The following DAAM2 variants were observed in gnomAD, a reference collection of about 807,000 sequenced individuals.
DAAM2 encodes the protein dishevelled associated activator of morphogenesis 2.
In DAAM2, 39 loss-of-function variants were observed where a neutral mutation model predicts 120.7. The ratio of observed to expected loss-of-function variants is 0.32; its 90% CI spans 0.25 to 0.42. The LOEUF is 0.42. Ranked by LOEUF, DAAM2 falls within the 10% of genes least tolerant of loss-of-function variation. DAAM2 has a pLI of 1.00. For synonymous variants in DAAM2, 488 were observed against 524.9 expected, an observed-to-expected ratio of 0.93 and a Z score of 0.96; for missense variants, 1,283 against 1,401.7, an observed-to-expected ratio of 0.92 and a Z score of 1.35.
Position 39,875,419 on chromosome 6 carries a change from C to A in DAAM2, c.1252C>A (p.Pro418Thr), listed in dbSNP as rs1328732675. ...CCTCCAGGATGAGCGGGGTGTGGAC[C>A]CTGACCTGGCTCCCTTGGAGAACTT... ...IVLQDERGVD[P>T]DLAPLENFNV... is the part of the protein sequence containing the mutation. The change falls in exon 11 of 25, where the codon CCT becomes ACT. Residue 418 changes from proline (P) to threonine (T), a missense_variant. By Grantham distance (38) the Pro-to-Thr change is conservative. Coordinates refer to ENST00000274867, the MANE Select transcript of DAAM2 (RefSeq NM_001201427.2). 1 of 1,613,832 alleles carries A rather than the reference C, an allele frequency of 6.2e-7. No individual in the cohort carries two copies. Among genetic ancestry groups the A allele is most frequent in the African/African-American group, 1.3e-5 (1 of 74,898 alleles).
chr6:39,869,891 G>A (rs1490424112), intron 7 of DAAM2, among the ~76,000 whole-genome samples: 1 of 151,022 alleles, frequency 6.6e-6, no homozygotes, highest in African/African-American at 2.4e-5. Context: ...TGGCTGGCAT[G>A]TGCTCTGATT....
chr6:39,888,539 G>A (rs1765508607), intron 16 of DAAM2, 140 bp from the exon 17 acceptor site: 1 of 610,030 alleles, frequency 1.6e-6, no homozygotes, highest in African/African-American at 1.8e-5. Context: ...AATCTAAGAA[G>A]GCTTTGTAGA....
chr6:39,887,815 G>A, intron 16 of DAAM2: 1 of 507,582 alleles, frequency 2.0e-6, no homozygotes, highest in Non-Finnish European at 3.6e-6. Flanking sequence ...GTCAGCGTCT[G>A]GCAGCTGAGT....
Position 39,878,953 on chromosome 6 carries a change from C to T in DAAM2, c.1546-225C>T, listed in dbSNP as rs550808505. On this transcript the variant is annotated intron_variant, in intron 13 of 24. Transcript: ENST00000274867. The surrounding 1 kb of genome is among the most constrained non-coding windows in gnomAD (Gnocchi z 5.0). ...GCTATGACTCTGATTGTCCAGTGTCCGTGTGCGTGACGTGTGTGTGTCTGT... is the reference window on the plus strand; with the variant it reads ...GCTATGACTCTGATTGTCCAGTGTCTGTGTGCGTGACGTGTGTGTGTCTGT... Among the ~76,000 whole-genome samples the T allele has an allele frequency of 4.0e-5, 6 of 151,872 alleles. No homozygotes were observed. The highest frequency in any genetic ancestry group is 7.4e-5 in the Non-Finnish European group (5 of 67,964).
At chr6:39,793,137 G>T (rs553968550) in intron 1 of DAAM2, 1 of 152,456 alleles carries the variant, frequency 6.6e-6, no homozygotes, top group Non-Finnish European at 1.5e-5. Flanking sequence ...ACTTGGTCTG[G>T]CGGCAGGTAA....
intron 1 of DAAM2, among the ~76,000 whole-genome samples, chr6:39,796,131 C>G (rs982898488): frequency 6.6e-6 from 1 of 152,070 alleles, no homozygotes; most frequent in African/African-American, 2.4e-5. Flanking sequence ...CCCCCTGAAC[C>G]CTGATTGATA....
At chr6:39,891,555 GACTGGAGCTGGCTCCGGGA>G in intron 18 of DAAM2, 60 bp from the exon 19 acceptor site, 1 of 1,519,752 alleles carries the variant, frequency 6.6e-7, no homozygotes, top group Non-Finnish European at 9.0e-7. Context: ...CTTGAGAGGA[GACTGGAGCTGGCTCCGGGA>G]GCTGGGGCTG....
chr6:39,882,887 C>T (rs1328929744), intron 14 of DAAM2, among the ~76,000 whole-genome samples: 2 of 152,112 alleles, frequency 1.3e-5, no homozygotes, highest in Non-Finnish European at 2.9e-5. Flanking sequence ...GGAATGTCCC[C>T]ACCCCCTGAC....
At chr6:39,885,302 A>G (rs546492163) in intron 15 of DAAM2, 1 of 152,396 alleles carries the variant, frequency 6.6e-6, no homozygotes, top group Admixed American at 6.5e-5. Context: ...CCCCATGCCC[A>G]TGTCAGGCTG....
At chr6:39,870,308 A>C (rs1442614132) in intron 7 of DAAM2, 32 bp from the exon 8 acceptor site, 1 of 1,382,578 alleles carries the variant, frequency 7.2e-7, no homozygotes, top group Admixed American at 2.0e-5. Flanking sequence ...GAGATCTGCC[A>C]ATGAGTCTGG....
At chr6:39,801,340 A>AT (rs1363855274) in intron 1 of DAAM2, among the ~76,000 whole-genome samples, 1 of 152,034 alleles carries the variant, frequency 6.6e-6, no homozygotes, top group Non-Finnish European at 1.5e-5. Context: ...TTATTGGCAA[A>AT]TTTGCTTTTG....
At chr6:39,866,513 A>G (rs1764437531) in intron 5 of DAAM2, among the ~76,000 whole-genome samples, 1 of 152,236 alleles carries the variant, frequency 6.6e-6, no homozygotes, top group South Asian at 2.1e-4. Flanking sequence ...ATTTTACTAA[A>G]TCAAGGGTAC....
In DAAM2 at chr6:39,878,395, C is replaced by G. The variant is rs1256438186; in HGVS notation, c.1361-9C>G. The G allele has an allele frequency of 1.2e-6, 2 of 1,611,182 alleles. No individual in the cohort carries two copies. Among genetic ancestry groups the G allele is most frequent in the Middle Eastern group, 1.7e-4 (1 of 6,056 alleles). ...TTCTGTTTCCTCTCCCGTCCCACCC[C>G]CATTCCAGAACACATGGAGCTTGTG... On this transcript the variant is annotated splice_polypyrimidine_tract_variant and intron_variant, in intron 12 of 24. Transcript: ENST00000274867. This position sits in a 1 kb window ranked among gnomAD's most constrained non-coding sequence, Gnocchi z 5.0.
chr6:39,861,114 A>C, intron 3 of DAAM2, 97 bp downstream of exon 3: 1 of 890,408 alleles, frequency 1.1e-6, no homozygotes, highest in African/African-American at 1.7e-5. Context: ...GATGTTTATT[A>C]CATGCCAGCC....
intron 1 of DAAM2, among the ~76,000 whole-genome samples, chr6:39,850,034 G>A (rs1273401305): frequency 6.6e-6 from 1 of 152,004 alleles, no homozygotes; most frequent in Non-Finnish European, 1.5e-5. Flanking sequence ...CCCATTCCCA[G>A]CCCCAGCCCC....
rs1766124324 is a variant in DAAM2 at position 39,896,832 on chromosome 6, G to A, written c.2362G>A (p.Glu788Lys). The A allele has an allele frequency of 6.2e-7, 1 of 1,604,234 alleles. No homozygotes were observed. Residue 788 changes from glutamate to lysine, a missense_variant, in exon 20 of 25, where the codon GAG becomes AAG. By Grantham distance (56) the Glu-to-Lys change is moderately conservative. Coordinates refer to ENST00000274867, the MANE Select transcript of DAAM2 (RefSeq NM_001201427.2). The stretch of plus-strand genomic sequence containing the variant: ...CCCAGCCATCCTGTTGGCCTCCCGG[G>A]AGCTGGTCCGCAGCAAGCGTCTTAG... ...KVEAILLASR[E>K]LVRSKRLRQM...
intron 2 of DAAM2, 135 bp downstream of exon 2, chr6:39,856,605 A>G: frequency 3.3e-6 from 2 of 600,152 alleles, no homozygotes; most frequent in Non-Finnish European, 2.6e-6. Context: ...ATAGGCCCCC[A>G]GGACACCTCA....
At chr6:39,832,198 G>A (rs1762941719) in intron 1 of DAAM2, among the ~76,000 whole-genome samples, 1 of 151,980 alleles carries the variant, frequency 6.6e-6, no homozygotes, top group Admixed American at 6.5e-5. Flanking sequence ...GTCAGTTGCA[G>A]TTAAACCTGG....
chr6:39,874,044 A>C (rs1764770885), intron 10 of DAAM2, among the ~76,000 whole-genome samples: 1 of 152,210 alleles, frequency 6.6e-6, no homozygotes, highest in South Asian at 2.1e-4. Context: ...CGGTGTCAGC[A>C]ATCATAGTGA....
Sources: allele counts gnomAD v4.1 joint callset (sites outside exome capture counted in the v4.1 genomes callset), GRCh38; gene constraint gnomAD v4.1.1; non-coding constraint Gnocchi (gnomAD v3.1); transcripts MANE v1.5; gene names NCBI Gene and HGNC (gene_info 2026-07-23, HGNC 2026-07-21).